The following PTPN13 variants were observed in gnomAD, a reference collection of about 807,000 sequenced individuals.
PTPN13 encodes tyrosine-protein phosphatase non-receptor type 13.
PTPN13 carries 191 observed loss-of-function variants against 284.0 expected under a neutral mutation model. The observed-to-expected ratio is 0.67, with a 90% CI of 0.60 to 0.76. PTPN13 has a LOEUF of 0.76. Ranked by LOEUF, PTPN13 falls within the 30% of genes least tolerant of loss-of-function variation. The probability of loss-of-function intolerance (pLI) is 0.00; values close to 1 mark genes in which losing one functional copy is unlikely to be tolerated. For missense variants in PTPN13, 2,797 were observed against 2,939.9 expected (o/e 0.95, Z 1.12); for synonymous variants, 986 against 1,022.3 (o/e 0.96, Z 0.68).
At chr4:86,769,225 A>G (rs972940221) in intron 28 of PTPN13, among the ~76,000 whole-genome samples, 1 of 151,952 alleles carries the variant, frequency 6.6e-6, no homozygotes, top group Non-Finnish European at 1.5e-5. Context: ...CTCCTCTAAC[A>G]TTTATTTTGT....
intron 1 of PTPN13, among the ~76,000 whole-genome samples, chr4:86,630,530 A>G (rs1722358986): frequency 6.6e-6 from 1 of 152,150 alleles, no homozygotes; most frequent in Non-Finnish European, 1.5e-5. Flanking sequence ...TGTGTCTCAA[A>G]CTTTTCTATA....
In PTPN13 at chr4:86,807,795, A is replaced by G; in HGVS notation, c.6981A>G (p.Leu2327=). 6.2e-7 allele frequency: 1 copy of G among 1,614,046 alleles called. No individual in the cohort carries two copies. The highest frequency in any genetic ancestry group is 8.5e-7 in the Non-Finnish European group (1 of 1,179,888). Reference sequence around the variant, plus strand: ...GCCAGCGCTATTGGCCCAACATCCTAGGCAAAACAACAATGGTCAGCAACA... The same window carrying G: ...GCCAGCGCTATTGGCCCAACATCCTGGGCAAAACAACAATGGTCAGCAACA... ...IKCQRYWPNI[L]GKTTMVSNRL... is the part of the protein sequence containing the mutation. The change falls in exon 45 of 48, where the codon CTA becomes CTG. Residue 2327 remains leucine, a synonymous_variant. Coordinates refer to ENST00000411767, the MANE Select transcript of PTPN13 (RefSeq NM_080683.3).
chr4:86,737,873 C>G (rs1735707927), intron 15 of PTPN13, among the ~76,000 whole-genome samples: 1 of 152,098 alleles, frequency 6.6e-6, no homozygotes. Context: ...GGACTACAGG[C>G]ACATGCCACC....
intron 21 of PTPN13, 133 bp from the exon 22 acceptor site, chr4:86,758,545 A>T: frequency 1.0e-6 from 1 of 960,912 alleles, no homozygotes; most frequent in South Asian, 1.7e-5. Context: ...AAATACTTCC[A>T]CAAAATTTAA....
chr4:86,645,756 G>A (rs769670769), intron 2 of PTPN13, among the ~76,000 whole-genome samples: 18 of 152,090 alleles, frequency 1.2e-4, no homozygotes, highest in African/African-American at 2.4e-5. Context: ...TCAGATGTCA[G>A]TTTTCTCTAA....
chr4:86,775,649 C>T lies in PTPN13; in HGVS notation c.5888C>T (p.Thr1963Ile). 2 of 1,607,880 alleles carry T rather than the reference C, an allele frequency of 1.2e-6. No homozygotes were observed. The highest frequency in any genetic ancestry group is 1.7e-6 in the Non-Finnish European group (2 of 1,176,546). Residue 1963 changes from threonine (T) to isoleucine (I), a missense_variant, in exon 35 of 48, where the codon ACA (threonine) becomes ATA (isoleucine). Transcript: ENST00000411767. ...CTTCCTTCATTGGTATTGAAAGCAA[C>T]AAGGTACTCTGCAATTATTTATGAG... ...MSLPSLVLKA[T>I]RNDLPVVPSS...
At chr4:86,621,540 A>G (rs938854242) in intron 1 of PTPN13, among the ~76,000 whole-genome samples, 4 of 152,192 alleles carry the variant, frequency 2.6e-5, no homozygotes, top group African/African-American at 9.7e-5. Context: ...TTTGGTGGCA[A>G]AACCTGACTG....
chr4:86,639,768 T>A (rs1041099496), intron 2 of PTPN13, among the ~76,000 whole-genome samples: 3 of 151,900 alleles, frequency 2.0e-5, no homozygotes, highest in Non-Finnish European at 2.9e-5. Context: ...AGCATGGCAC[T>A]TGTATACATA....
chr4:86,689,636 C>T lies in PTPN13; in HGVS notation c.546+446C>T, dbSNP rs145132860. 789 of 702,308 alleles carry T rather than the reference C, an allele frequency of 1.1e-3. 1 individual carries two copies. In the African/African-American group the frequency reaches 0.012, roughly 11 times the overall value. 43.5% of individuals were successfully genotyped at this position (702,308 alleles called of 1,614,324 possible). ...ATCTTCTAGGTATTTCCCAAACCTT[C>T]TCCACTTTCCCTTCTTCTCGGAACA... On this transcript the variant is annotated intron_variant, in intron 5 of 47. Transcript: ENST00000411767.
rs548263743 is a variant in PTPN13 at position 86,807,373 on chromosome 4, G to A, written c.6746-187G>A. On this transcript the variant is annotated intron_variant, in intron 44 of 47. Transcript: ENST00000411767. ...AACAGCTTAGATACTTGTAACATGAGCAAAAAGAATAAACATAAAATAATT... is the reference window on the plus strand; with the variant it reads ...AACAGCTTAGATACTTGTAACATGAACAAAAAGAATAAACATAAAATAATT... 9.9e-5 allele frequency among the ~76,000 whole-genome samples: 15 copies of A among 152,202 alleles called. 1 individual carries two copies. The highest frequency in any genetic ancestry group is 6.8e-3 in the Middle Eastern group (2 of 294).
chr4:86,773,969 G>A (rs750082615), intron 32 of PTPN13, among the ~76,000 whole-genome samples: 1 of 151,604 alleles, frequency 6.6e-6, no homozygotes, highest in Non-Finnish European at 1.5e-5. Context: ...CATCTGTTTA[G>A]AAATATATGG....
intron 40 of PTPN13, among the ~76,000 whole-genome samples, chr4:86,796,194 AACT>A (rs1184642601): frequency 6.6e-6 from 1 of 152,308 alleles, no homozygotes; most frequent in Non-Finnish European, 1.5e-5. Context: ...ACATATTTGA[AACT>A]ACTAAGATTT....
At chr4:86,651,802 A>G (rs1168638930) in intron 2 of PTPN13, among the ~76,000 whole-genome samples, 1 of 152,038 alleles carries the variant, frequency 6.6e-6, no homozygotes, top group African/African-American at 2.4e-5. Context: ...TGATCCTTTG[A>G]ATTTCTGTGA....
intron 40 of PTPN13, among the ~76,000 whole-genome samples, chr4:86,789,499 A>G (rs986083306): frequency 2.6e-5 from 4 of 152,148 alleles, no homozygotes; most frequent in African/African-American, 4.8e-5. Context: ...TGAAGTTCTT[A>G]GTAAGTTTTT....
At chr4:86,633,215 C>T (rs1406946507) in intron 1 of PTPN13, among the ~76,000 whole-genome samples, 1 of 152,122 alleles carries the variant, frequency 6.6e-6, no homozygotes, top group Admixed American at 6.6e-5. Flanking sequence ...TCATATAGGT[C>T]CAAGCTGGCC....
intron 17 of PTPN13, among the ~76,000 whole-genome samples, chr4:86,749,825 C>T (rs1417114303): frequency 6.6e-6 from 1 of 152,066 alleles, no homozygotes; most frequent in East Asian, 1.9e-4. Flanking sequence ...TTAAGTCAGC[C>T]CAGTGAGAAG....
chr4:86,725,831 T>G (rs1012434527), intron 10 of PTPN13, among the ~76,000 whole-genome samples: 4 of 149,516 alleles, frequency 2.7e-5, no homozygotes, highest in African/African-American at 9.8e-5. Flanking sequence ...AATTAGATAC[T>G]GTTTGTCTAT....
In PTPN13 at chr4:86,814,373, A is replaced by T. The variant is rs535547380; in HGVS notation, c.7363-83A>T. On this transcript the variant is annotated intron_variant, in intron 47 of 47. Coordinates refer to ENST00000411767, the MANE Select transcript of PTPN13 (RefSeq NM_080683.3). The stretch of plus-strand genomic sequence containing the variant: ...ATATTTTCAAAACTCATCCAACATC[A>T]CTTCCAATAGTGGTATAGCTATATA... 1.3e-4 allele frequency: 119 copies of T among 902,702 alleles called. 1 individual carries two copies. The South Asian group carries it at 2.5e-3, about 19-fold the overall frequency. 55.9% of individuals were successfully genotyped at this position (902,702 alleles called of 1,614,324 possible).
chr4:86,747,578 CAGCAGT>C (rs1736928545), intron 17 of PTPN13, among the ~76,000 whole-genome samples: 4 of 127,952 alleles, frequency 3.1e-5, no homozygotes, highest in African/African-American at 1.1e-4. Flanking sequence ...GCAGCAGCAG[CAGCAGT>C]AGTAGTAGTA....
Sources: gnomAD v4.1 joint callset for allele counts (sites outside exome capture counted in the v4.1 genomes callset) on GRCh38, gnomAD v4.1.1 for gene constraint, MANE v1.5 for transcripts, NCBI Gene and HGNC (gene_info 2026-07-23, HGNC 2026-07-21) for gene names.